UXS1: variants seen among roughly 807,000 people sequenced by gnomAD.
UXS1 encodes the protein UDP-glucuronic acid decarboxylase 1.
In UXS1, 33 loss-of-function variants were observed where a neutral mutation model predicts 62.6. The observed-to-expected ratio is 0.53, with a 90% confidence interval of 0.40 to 0.70. The LOEUF (loss-of-function observed/expected upper bound fraction) is 0.70. UXS1 is among the 30% of genes least tolerant of loss of function. The pLI is 0.00. For synonymous variants in UXS1, 213 were observed against 206.8 expected (o/e 1.03, Z -0.26); for missense variants, 434 against 556.3 (o/e 0.78, Z 2.21).
chr2:106,103,616 C>CATTT (rs1467678551), intron 11 of UXS1, among the ~76,000 whole-genome samples: 1 of 152,200 alleles, frequency 6.6e-6, no homozygotes, highest in Non-Finnish European at 1.5e-5. Context: ...GGGCAGCTGC[C>CATTT]ATTTCCCTGT....
intron 1 of UXS1, chr2:106,183,444 G>A (rs990560306): frequency 6.6e-6 from 1 of 152,180 alleles, no homozygotes; most frequent in Non-Finnish European, 1.5e-5. Context: ...GAAAAAGACT[G>A]CTTTGAAGTT....
At chr2:106,174,887 T>C (rs1229823462) in intron 1 of UXS1, among the ~76,000 whole-genome samples, 1 of 152,214 alleles carries the variant, frequency 6.6e-6, no homozygotes. Flanking sequence ...TTCCAAAAGT[T>C]AGGCCTCAGT....
At chr2:106,187,099 A>G (rs903594742) in intron 1 of UXS1, among the ~76,000 whole-genome samples, 4 of 152,106 alleles carry the variant, frequency 2.6e-5, no homozygotes, top group Admixed American at 2.0e-4. Flanking sequence ...AAAAATGTGG[A>G]AAAAAATGTA....
In UXS1 at chr2:106,096,725, T is replaced by C; in HGVS notation, c.1139A>G (p.Glu380Gly). Residue 380 changes from glutamate to glycine, a missense_variant, in exon 14 of 15, where the codon GAG (glutamate) becomes GGG (glycine). Physicochemically the swap from Glu to Gly is moderately conservative, Grantham distance 98 (BLOSUM62 -2). Transcript: ENST00000283148. ...TTAACTCCCTGCACTTACCACGGGCTCCCACCCCAGCATCAGCTTTGCTTT... is the reference window on the plus strand; with the variant it reads ...TTAACTCCCTGCACTTACCACGGGCCCCCACCCCAGCATCAGCTTTGCTTT... ...IKKAKLMLGW[E>G]PVVPLEEGLN... is the part of the protein sequence containing the mutation. 1 of 1,570,910 alleles carries C rather than the reference T, an allele frequency of 6.4e-7. No individual in the cohort carries two copies.
intron 9 of UXS1, among the ~76,000 whole-genome samples, chr2:106,119,583 C>A (rs969355904): frequency 4.6e-5 from 7 of 152,202 alleles, no homozygotes; most frequent in African/African-American, 1.7e-4. Context: ...AATGTCACCT[C>A]CAGACAGTGA....
At chr2:106,095,092 C>T (rs954370415) in intron 14 of UXS1, among the ~76,000 whole-genome samples, 18 of 152,014 alleles carry the variant, frequency 1.2e-4, no homozygotes, top group African/African-American at 4.4e-4. Context: ...GGCTCACATT[C>T]CAAGAATGTT....
chr2:106,145,299 G>A lies in UXS1; in HGVS notation c.363C>T (p.Thr121=), dbSNP rs753113969. ...TGCCCGTGAAGAAATTGTCCACCAC[G>A]GTCACCTCGTGGCCGTCCATCATGA... ...DKLMMDGHEV[T]VVDNFFTGRK... Residue 121 remains threonine (T), a synonymous_variant, in exon 6 of 15, where the codon ACC becomes ACT. Coordinates refer to ENST00000283148, the MANE Select transcript of UXS1 (RefSeq NM_001253875.2). 14 of 1,613,802 alleles carry A rather than the reference G, an allele frequency of 8.7e-6. No homozygotes were observed. The highest frequency in any genetic ancestry group is 1.6e-4 in the Middle Eastern group (1 of 6,084).
intron 5 of UXS1, among the ~76,000 whole-genome samples, chr2:106,157,669 A>G (rs1347130193): frequency 6.6e-6 from 1 of 152,260 alleles, no homozygotes; most frequent in Admixed American, 6.5e-5. Context: ...ACACCCATAC[A>G]ATGGAGCATT....
At chr2:106,149,147 T>C (rs1453089054) in intron 5 of UXS1, among the ~76,000 whole-genome samples, 3 of 152,102 alleles carry the variant, frequency 2.0e-5, no homozygotes, top group African/African-American at 7.2e-5. Context: ...ACATGCCAAA[T>C]GCCTCAGAAA....
At position 106,158,124 on chromosome 2, in the gene UXS1, T is replaced by C. The variant is rs1184517086; in HGVS notation, c.231-6A>G. 11 of 1,555,850 alleles carry C rather than the reference T, an allele frequency of 7.1e-6. No homozygotes were observed. Among genetic ancestry groups the C allele is most frequent in the Non-Finnish European group, 8.7e-6 (10 of 1,147,986 alleles). On this transcript the variant is annotated splice_polypyrimidine_tract_variant and splice_region_variant and intron_variant, in intron 4 of 14. Transcript: ENST00000283148. ...GTGGGTATTTCTGGGTAAAGCTGTATAATATAAAGAGATTCAAAAGGAAAA... is the reference window on the plus strand; with the variant it reads ...GTGGGTATTTCTGGGTAAAGCTGTACAATATAAAGAGATTCAAAAGGAAAA...
intron 1 of UXS1, chr2:106,183,844 CAGA>C (rs1225211589): frequency 4.6e-5 from 7 of 151,884 alleles, no homozygotes; most frequent in Admixed American, 3.9e-4. Context: ...AAAATTGAAA[CAGA>C]AGGTTAGAAA....
chr2:106,138,859 A>T, intron 6 of UXS1: 1 of 985,474 alleles, frequency 1.0e-6, no homozygotes, highest in Non-Finnish European at 1.2e-6. Context: ...TGTAACATTA[A>T]CAATAACTCC....
chr2:106,114,456 G>A (rs892088230), intron 9 of UXS1, among the ~76,000 whole-genome samples: 4 of 152,186 alleles, frequency 2.6e-5, no homozygotes, highest in Admixed American at 2.0e-4. Context: ...GTACCCACTT[G>A]CATTTAATTG....
chr2:106,129,622 C>T (rs895692601), intron 7 of UXS1, 52 bp downstream of exon 7: 5 of 1,383,520 alleles, frequency 3.6e-6, no homozygotes, highest in Non-Finnish European at 5.1e-6. Flanking sequence ...TGCTTGTAAT[C>T]ATCTAAAATA....
At chr2:106,115,933 C>G (rs995403587) in intron 9 of UXS1, among the ~76,000 whole-genome samples, 2 of 152,186 alleles carry the variant, frequency 1.3e-5, no homozygotes, top group African/African-American at 4.8e-5. Context: ...AACATTGCCA[C>G]AAGGACACTA....
intron 10 of UXS1, among the ~76,000 whole-genome samples, chr2:106,106,303 G>C (rs1678061611): frequency 6.7e-6 from 1 of 148,782 alleles, no homozygotes; most frequent in Non-Finnish European, 1.5e-5. Context: ...GGCGGAGGTT[G>C]CAGTGAGCCG....
intron 9 of UXS1, among the ~76,000 whole-genome samples, chr2:106,121,225 A>T (rs1679491803): frequency 6.6e-6 from 1 of 152,148 alleles, no homozygotes; most frequent in Non-Finnish European, 1.5e-5. Flanking sequence ...AGTACCTAGC[A>T]TACAGTCGGT....
At chr2:106,096,387 G>A (rs2104822176) in intron 14 of UXS1, among the ~76,000 whole-genome samples, 1 of 152,342 alleles carries the variant, frequency 6.6e-6, no homozygotes, top group East Asian at 1.9e-4. Flanking sequence ...CAGTGTGAGT[G>A]TGTGGGAGAC....
intron 6 of UXS1, among the ~76,000 whole-genome samples, chr2:106,137,938 G>T (rs2104969594): frequency 6.6e-6 from 1 of 152,166 alleles, no homozygotes; most frequent in Admixed American, 6.5e-5. Flanking sequence ...TATACTCACG[G>T]GCATTTCTGC....
Sources: allele counts gnomAD v4.1 joint callset (sites outside exome capture counted in the v4.1 genomes callset), GRCh38; gene constraint gnomAD v4.1.1; transcripts MANE v1.5; gene names NCBI Gene and HGNC (gene_info 2026-07-23, HGNC 2026-07-21).